The following NECAB2 variants were observed in gnomAD, a reference collection of about 807,000 sequenced individuals.
NECAB2 encodes N-terminal EF-hand calcium binding protein 2, also known as N-terminal EF-hand calcium-binding protein 2.
Under a neutral mutation model 51.9 loss-of-function variants are expected in NECAB2, and 68 were observed. That is an observed-to-expected ratio of 1.31 (90% confidence interval 1.08 to 1.60). NECAB2 has a LOEUF of 1.60. Among genes scored for constraint, NECAB2 ranks in the 40% most tolerant of loss-of-function variants. The pLI is 0.00. For synonymous variants in NECAB2, 329 were observed against 203.5 expected (o/e 1.62, Z -5.25); for missense variants, 854 against 490.3 (o/e 1.74, Z -7.00).
intron 5 of NECAB2, among the ~76,000 whole-genome samples, chr16:83,984,217 C>G (rs930045291): frequency 2.0e-5 from 3 of 151,548 alleles, no homozygotes; most frequent in Admixed American, 1.3e-4. Flanking sequence ...GGATGGTCTC[C>G]ATCTCCTGAC....
In NECAB2 at chr16:83,997,317, C is replaced by G. The variant is rs780661166; in HGVS notation, c.849+48C>G. Reference sequence around the variant, plus strand: ...TTCTGGGACCACATCCCTACCCATGCCAGGACTGCCAAGATCCAAGTGGCT... The same window carrying G: ...TTCTGGGACCACATCCCTACCCATGGCAGGACTGCCAAGATCCAAGTGGCT... On this transcript the variant is annotated intron_variant, in intron 9 of 12. Coordinates refer to ENST00000305202, the MANE Select transcript of NECAB2 (RefSeq NM_019065.3). 19 of 1,610,560 alleles carry G rather than the reference C, an allele frequency of 1.2e-5. No homozygotes were observed. The East Asian group carries it at 4.0e-4, about 34-fold the overall frequency.
chr16:83,976,143 G>T lies in NECAB2; in HGVS notation c.227-2301G>T, dbSNP rs151232095. ...CAGCCAGAGGGAGGCTGGGATTGGG[G>T]CTCACAACCCCTGTCATGCCCATGG... On this transcript the variant is annotated intron_variant, in intron 2 of 12. Coordinates refer to ENST00000305202, the MANE Select transcript of NECAB2 (RefSeq NM_019065.3). Among the ~76,000 whole-genome samples the T allele has an allele frequency of 8.4e-3, 1,283 of 152,236 alleles. 7 individuals are homozygous for T. Among genetic ancestry groups the T allele is most frequent in the Non-Finnish European group, 0.01 (701 of 68,008 alleles).
intron 10 of NECAB2, among the ~76,000 whole-genome samples, chr16:83,999,365 C>T (rs535469975): frequency 3.3e-5 from 5 of 152,300 alleles, no homozygotes; most frequent in African/African-American, 7.2e-5. Flanking sequence ...TGGGAGGCTC[C>T]AGGGTGAAGT....
upstream of NECAB2, chr16:83,965,798 G>T: frequency 6.2e-7 from 1 of 1,613,106 alleles, no homozygotes; most frequent in Non-Finnish European, 8.5e-7. Context: ...GCCTGGGGCA[G>T]GGGCTGACTT....
intron 2 of NECAB2, among the ~76,000 whole-genome samples, chr16:83,976,968 G>A (rs191186202): frequency 3.7e-4 from 56 of 152,344 alleles, no homozygotes; most frequent in African/African-American, 1.3e-3. Flanking sequence ...TGCCATGTCG[G>A]GTTAGGCAGG....
upstream of NECAB2, chr16:83,965,346 C>A: frequency 1.3e-6 from 2 of 1,571,732 alleles, no homozygotes; most frequent in Non-Finnish European, 1.7e-6. Context: ...CTGGGCATCC[C>A]CGGGGAGGCC....
At chr16:83,982,405 C>G (rs371030665) in intron 5 of NECAB2, among the ~76,000 whole-genome samples, 2 of 152,234 alleles carry the variant, frequency 1.3e-5, no homozygotes, top group East Asian at 3.9e-4. Flanking sequence ...TGTAGAATAT[C>G]GTTTGATATC....
chr16:83,990,605 A>G lies in NECAB2; in HGVS notation c.571A>G (p.Ile191Val). The stretch of plus-strand genomic sequence containing the variant: ...CTCAGTGGAGAGTGCGGTGGAGGCC[A>G]TCGAGGAACAGACCAGCCAGCTCCG... ...LSSVESAVEAIEEQTSQLRQN... is the reference protein window; with the variant it reads ...LSSVESAVEAVEEQTSQLRQN... Residue 191 changes from isoleucine (I) to valine (V), a missense_variant, in exon 6 of 13, where the codon ATC (isoleucine) becomes GTC (valine). Coordinates refer to ENST00000305202, the MANE Select transcript of NECAB2 (RefSeq NM_019065.3). The G allele has an allele frequency of 6.2e-7, 1 of 1,614,052 alleles. No homozygotes were observed. Among genetic ancestry groups the G allele is most frequent in the Non-Finnish European group, 8.5e-7 (1 of 1,180,012 alleles).
chr16:83,972,085 T>C, intron 1 of NECAB2, 66 bp from the exon 2 acceptor site: 1 of 1,601,412 alleles, frequency 6.2e-7, no homozygotes, highest in African/African-American at 1.3e-5. Context: ...CAGTATCCGG[T>C]CAGAGGCTGC....
upstream of NECAB2, chr16:83,965,560 G>C (rs1031385317): frequency 3.7e-6 from 6 of 1,612,894 alleles, no homozygotes; most frequent in Non-Finnish European, 5.1e-6. Context: ...TCAACCAGCT[G>C]CCCAAGATGC....
chr16:83,965,187 C>T (rs1483908545), upstream of NECAB2: 15 of 1,613,096 alleles, frequency 9.3e-6, no homozygotes, highest in African/African-American at 5.3e-5. Context: ...GAGTGGGGGA[C>T]CCCCGATCCC....
In NECAB2 at chr16:83,996,350, A is replaced by C. The variant is rs933660997; in HGVS notation, c.796-866A>C. Among the ~76,000 whole-genome samples, 79 of 152,196 alleles carry C rather than the reference A, an allele frequency of 5.2e-4. 1 individual carries two copies. The highest frequency in any genetic ancestry group is 1.0e-4 in the Non-Finnish European group (7 of 68,032). On this transcript the variant is annotated intron_variant, in intron 8 of 12. Coordinates refer to ENST00000305202, the MANE Select transcript of NECAB2 (RefSeq NM_019065.3). ...GGCAGTACCCTTGCCAGGATCAGCT[A>C]CTACAGAGCCCAGTGCAAAATGAGC...
Position 83,968,902 on chromosome 16 carries a change from C to CCCCCTCCGCCCCTCGGGCGGA in NECAB2, c.201+58_201+78dup, listed in dbSNP as rs1342352032. The CCCCCTCCGCCCCTCGGGCGGA allele has an allele frequency of 3.9e-6, 4 of 1,036,428 alleles. No individual in the cohort carries two copies. The Admixed American group carries it at 2.1e-4, about 56-fold the overall frequency. 64.2% of individuals were successfully genotyped at this position (1,036,428 alleles called of 1,614,324 possible). On this transcript the variant is annotated intron_variant, in intron 1 of 12. Coordinates refer to ENST00000305202, the MANE Select transcript of NECAB2 (RefSeq NM_019065.3). ...CCGTGGCCTCCGCTGGGACCCGGAG[C>CCCCCTCCGCCCCTCGGGCGGA]CCCCTCCGCCCCTCGGGCGGACCCC...
chr16:83,979,675 G>T (rs920870154), intron 3 of NECAB2, among the ~76,000 whole-genome samples: 3 of 151,974 alleles, frequency 2.0e-5, no homozygotes, highest in East Asian at 1.9e-4. Flanking sequence ...TAGGACCAGC[G>T]GGGTAGAGGA....
In NECAB2 at chr16:83,972,154, T is replaced by G; in HGVS notation, c.205T>G (p.Phe69Val). The change falls in exon 2 of 13, where the codon TTC becomes GTC. Residue 69 changes from phenylalanine to valine, a missense_variant. By Grantham distance (50) the Phe-to-Val change is conservative. Transcript: ENST00000305202. ...RGGTAVILDI[F>V]RRADKNDDGK... ...ACTCCGCCTCTCTTTTCTGCAGATT[T>G]TCCGCCGTGCGGACAAAAATGGTGA... 6.2e-7 allele frequency: 1 copy of G among 1,613,460 alleles called. No homozygotes were observed. Among genetic ancestry groups the G allele is most frequent in the South Asian group, 1.1e-5 (1 of 91,088 alleles).
chr16:83,997,963 C>T (rs2151100406), intron 9 of NECAB2, among the ~76,000 whole-genome samples: 1 of 152,308 alleles, frequency 6.6e-6, no homozygotes, highest in South Asian at 2.1e-4. Flanking sequence ...TGGATGGGGC[C>T]TCTGTAAACA....
chr16:83,967,705 CGGATGGATGGATGGATGGATGGAT>C (rs60129536), upstream of NECAB2, among the ~76,000 whole-genome samples: 3 of 77,194 alleles, frequency 3.9e-5, no homozygotes, highest in Non-Finnish European at 7.2e-5. Context: ...GATGGATGGA[CGGATGGATGGATGGATGGATGGAT>C]GGATGGATGG....
chr16:83,979,249 C>T (rs1464531278), intron 3 of NECAB2, among the ~76,000 whole-genome samples: 1 of 152,236 alleles, frequency 6.6e-6, no homozygotes, highest in East Asian at 1.9e-4. Context: ...AGAGCCCCAC[C>T]TGGTCTCCTT....
chr16:83,970,890 C>T (rs775490939), intron 1 of NECAB2, among the ~76,000 whole-genome samples: 1 of 152,120 alleles, frequency 6.6e-6, no homozygotes, highest in African/African-American at 2.4e-5. Context: ...GTCAGGGGTT[C>T]GAGACCAGCT....
Sources: allele counts gnomAD v4.1 joint callset (sites outside exome capture counted in the v4.1 genomes callset), GRCh38; gene constraint gnomAD v4.1.1; transcripts MANE v1.5; gene names NCBI Gene and HGNC (gene_info 2026-07-23, HGNC 2026-07-21).